SIK3: variants seen among roughly 807,000 people sequenced by gnomAD.
The protein encoded by SIK3 is SIK family kinase 3.
SIK3 carries 28 observed loss-of-function variants against 144.2 expected under a neutral mutation model. The observed-to-expected ratio is 0.19, with a 90% CI of 0.14 to 0.27. The LOEUF (loss-of-function observed/expected upper bound fraction) is 0.27. SIK3 is among the 10% of genes least tolerant of loss of function. The pLI, the probability that SIK3 is intolerant of heterozygous loss-of-function variation, is 1.00. For missense variants in SIK3, 1,319 were observed against 1,776.0 expected (o/e 0.74, Z 4.62); for synonymous variants, 686 against 676.3 (o/e 1.01, Z -0.22).
intron 1 of SIK3, among the ~76,000 whole-genome samples, chr11:117,032,699 T>G (rs1288694686): frequency 2.7e-5 from 4 of 150,692 alleles, no homozygotes; most frequent in Non-Finnish European, 5.9e-5. Context: ...TTAAAAGAGA[T>G]GGGTTCTCAC....
At chr11:117,006,566 G>A (rs1431129474) in intron 1 of SIK3, among the ~76,000 whole-genome samples, 1 of 152,076 alleles carries the variant, frequency 6.6e-6, no homozygotes, top group African/African-American at 2.4e-5. Context: ...GGGAGGCAGA[G>A]GCGGGAGGAA....
chr11:117,041,114 C>T (rs949893148), intron 1 of SIK3, among the ~76,000 whole-genome samples: 16 of 151,744 alleles, frequency 1.1e-4, no homozygotes, highest in Non-Finnish European at 2.1e-4. Flanking sequence ...GTGGAATACA[C>T]ATATAAAAAT....
At chr11:116,998,162 AT>A (rs201703941) in intron 1 of SIK3, among the ~76,000 whole-genome samples, 2 of 141,866 alleles carry the variant, frequency 1.4e-5, no homozygotes, top group Admixed American at 1.4e-4. Flanking sequence ...GTATATGATA[AT>A]TTAAAAAAAA....
chr11:117,022,670 G>A (rs1001086415), intron 1 of SIK3, among the ~76,000 whole-genome samples: 12 of 152,036 alleles, frequency 7.9e-5, no homozygotes, highest in Non-Finnish European at 1.5e-4. Context: ...GTGTCAAAAC[G>A]CAACATAGAA....
At chr11:116,971,271 AAATT>A (rs1459945011) in intron 1 of SIK3, among the ~76,000 whole-genome samples, 10 of 152,358 alleles carry the variant, frequency 6.6e-5, no homozygotes, top group African/African-American at 2.2e-4. Flanking sequence ...CAAGTAGGTC[AAATT>A]AATTAAACTG....
chr11:116,900,490 G>A (rs973311720), intron 4 of SIK3, among the ~76,000 whole-genome samples: 2 of 151,990 alleles, frequency 1.3e-5, no homozygotes, highest in Non-Finnish European at 2.9e-5. Flanking sequence ...AAAAAACATG[G>A]GCTGCCTCCC....
rs560156054 is a variant in SIK3, at chr11:117,001,435, G to A, written c.274-44371C>T. Among the ~76,000 whole-genome samples the A allele has an allele frequency of 5.9e-5, 9 of 152,236 alleles. No homozygotes were observed. In the East Asian group the frequency reaches 1.5e-3, roughly 26 times the overall value. On this transcript the variant is annotated intron_variant, in intron 1 of 24. Transcript: ENST00000445177. ...GCAGGAGAATCACTTGAACCCAGGA[G>A]GTGGAGGTTGCAGTGAGCTGAGATC...
intron 18 of SIK3, 151 bp from the exon 19 acceptor site, chr11:116,861,534 A>C: frequency 1.5e-6 from 1 of 647,156 alleles, no homozygotes; most frequent in Non-Finnish European, 2.6e-6. Context: ...CATCCACCAC[A>C]GTGTATTTAA....
intron 3 of SIK3, among the ~76,000 whole-genome samples, chr11:116,939,441 C>T (rs1360807500): frequency 2.0e-5 from 3 of 152,202 alleles, no homozygotes; most frequent in Admixed American, 1.3e-4. Flanking sequence ...CCACCAAGCC[C>T]GGCCTTGCAA....
chr11:117,035,971 G>A, intron 1 of SIK3: 2 of 1,571,912 alleles, frequency 1.3e-6, no homozygotes, highest in Admixed American at 1.7e-5. Flanking sequence ...AGGAATTGGG[G>A]CTCTGCACCA....
chr11:117,074,935 A>AC (rs1345230589), intron 1 of SIK3, among the ~76,000 whole-genome samples: 9 of 151,908 alleles, frequency 5.9e-5, no homozygotes, highest in African/African-American at 1.5e-4. Context: ...TCAAAACAAA[A>AC]AAAAAAAACA....
At chr11:117,050,504 G>C (rs1373178790) in intron 1 of SIK3, among the ~76,000 whole-genome samples, 1 of 151,840 alleles carries the variant, frequency 6.6e-6, no homozygotes. Context: ...TGGCCAACAG[G>C]GTGAAACCCC....
chr11:117,036,731 T>C (rs1200254885), intron 1 of SIK3, among the ~76,000 whole-genome samples: 1 of 152,206 alleles, frequency 6.6e-6, no homozygotes, highest in Non-Finnish European at 1.5e-5. Flanking sequence ...TAAATGACTC[T>C]TCGGCAAAAT....
chr11:117,046,876 T>C (rs1445963494), intron 1 of SIK3, among the ~76,000 whole-genome samples: 2 of 152,134 alleles, frequency 1.3e-5, no homozygotes, highest in East Asian at 3.9e-4. Context: ...CAAGACCCTG[T>C]CTTAAAAACA....
At chr11:117,013,911 G>GTGTGTGTGTGTGTGTGTGTGTGTGTAT (rs1565556646) in intron 1 of SIK3, among the ~76,000 whole-genome samples, 2 of 28,512 alleles carry the variant, frequency 7.0e-5, no homozygotes, top group East Asian at 1.5e-3. Flanking sequence ...GGGGGGGGGG[G>GTGTGTGTGTGTGTGTGTGTGTGTGTAT]GAGGGTGTGT....
At chr11:117,032,674 CTT>C (rs11300316) in intron 1 of SIK3, among the ~76,000 whole-genome samples, 12,302 of 139,832 alleles carry the variant, frequency 0.088, 665 homozygotes, top group African/African-American at 0.15. Flanking sequence ...CCCACCTTTT[CTT>C]TTTTTTTTTT....
At chr11:116,882,042 T>C (rs919132053) in intron 6 of SIK3, among the ~76,000 whole-genome samples, 4 of 152,074 alleles carry the variant, frequency 2.6e-5, no homozygotes, top group African/African-American at 7.3e-5. Flanking sequence ...TTCTGGGTTA[T>C]GAAAACAAAC....
chr11:116,919,269 A>G (rs1053272640), intron 4 of SIK3, among the ~76,000 whole-genome samples: 5 of 152,208 alleles, frequency 3.3e-5, no homozygotes, highest in South Asian at 2.1e-4. Flanking sequence ...TGAAAGGTCA[A>G]TTGAGTTAGG....
intron 1 of SIK3, among the ~76,000 whole-genome samples, chr11:116,982,890 G>A (rs7131351): frequency 0.47 from 65,947 of 141,410 alleles, 18,291 homozygotes; most frequent in Non-Finnish European, 0.64. Flanking sequence ...GTGGCAGTGA[G>A]CTCAGATCAC....
Sources: allele counts gnomAD v4.1 joint callset (sites outside exome capture counted in the v4.1 genomes callset), GRCh38; gene constraint gnomAD v4.1.1; transcripts MANE v1.5; gene names NCBI Gene and HGNC (gene_info 2026-07-23, HGNC 2026-07-21).